Variants in GSE1 observed in about 807,000 individuals in gnomAD.
GSE1 encodes genetic suppressor element 1.
Under a neutral mutation model 112.6 loss-of-function variants are expected in GSE1, and 32 were observed. The observed-to-expected ratio is 0.28, with a 90% CI of 0.21 to 0.38. The LOEUF (loss-of-function observed/expected upper bound fraction) is 0.38. GSE1 is among the 10% of genes least tolerant of loss of function. GSE1 has a pLI of 1.00. For missense variants in GSE1, 2,348 were observed against 1,699.2 expected (o/e 1.38, Z -6.71); for synonymous variants, 1,115 against 735.6 (o/e 1.52, Z -8.35).
rs1905255996 is a variant in GSE1 at position 85,673,025 on chromosome 16, A to T, written c.*486A>T. 6.6e-6 allele frequency: 1 copy of T among 152,320 alleles called. No individual in the cohort carries two copies. Among genetic ancestry groups the T allele is most frequent in the Admixed American group, 6.5e-5 (1 of 15,286 alleles). The allele number at this position is 152,320 out of a possible 1,614,324, so 9.4% of individuals were successfully genotyped here. On this transcript the variant is annotated 3_prime_UTR_variant, in exon 16 of 16. Coordinates refer to ENST00000253458, the MANE Select transcript of GSE1 (RefSeq NM_014615.5). ...TGCTTCAGCTGAAAAGGTTGGGTGC[A>T]TTGTCAGTAAAAAGGGCTTATTTGT...
At chr16:85,662,949 T>G in intron 9 of GSE1, 32 bp from the exon 10 acceptor site, 1 of 1,423,480 alleles carries the variant, frequency 7.0e-7, no homozygotes, top group Admixed American at 1.7e-5. Context: ...GAAGGCTCTT[T>G]GTCTGGCTGA....
intron 1 of GSE1, among the ~76,000 whole-genome samples, chr16:85,231,409 G>GGGAT (rs56082032): frequency 5.4e-5 from 8 of 147,854 alleles, no homozygotes; most frequent in African/African-American, 1.0e-4. Flanking sequence ...GCTGGACAGA[G>GGGAT]GGATGGATGG....
At chr16:85,432,574 G>A (rs74342473) in intron 2 of GSE1, among the ~76,000 whole-genome samples, 10,471 of 152,284 alleles carry the variant, frequency 0.069, 529 homozygotes, top group East Asian at 0.3. Context: ...TATGTTGCAC[G>A]TCGTGGCAGG....
intron 2 of GSE1, among the ~76,000 whole-genome samples, chr16:85,410,074 C>CT (rs1362747417): frequency 8.6e-5 from 2 of 23,184 alleles, no homozygotes; most frequent in Non-Finnish European, 1.5e-4. Flanking sequence ...CAGGGCCCCC[C>CT]GGATAATCCT....
intron 1 of GSE1, among the ~76,000 whole-genome samples, chr16:85,623,982 C>T (rs540342809): frequency 6.6e-6 from 1 of 152,178 alleles, no homozygotes; most frequent in African/African-American, 2.4e-5. Flanking sequence ...TCATAGGAGA[C>T]GTCCTTGGAT....
chr16:85,625,117 G>A (rs577201112), intron 1 of GSE1, among the ~76,000 whole-genome samples: 3 of 152,252 alleles, frequency 2.0e-5, no homozygotes, highest in African/African-American at 7.2e-5. Flanking sequence ...CCCTTGGTCT[G>A]TCGTGCCCCT....
chr16:85,522,066 T>G (rs937055507), intron 2 of GSE1, among the ~76,000 whole-genome samples: 4 of 152,212 alleles, frequency 2.6e-5, no homozygotes, highest in Non-Finnish European at 5.9e-5. Flanking sequence ...AGACGGTCTT[T>G]GGAAGCCAGG....
Position 85,451,756 on chromosome 16 carries a change from CTGG to C in GSE1, c.2464+94121_2464+94123del, listed in dbSNP as rs1373454686. Among the ~76,000 whole-genome samples, 4 of 33,424 alleles carry C rather than the reference CTGG, an allele frequency of 1.2e-4. 1 individual carries two copies. Among genetic ancestry groups the C allele is most frequent in the Non-Finnish European group, 2.8e-4 (4 of 14,104 alleles). 21.9% of individuals were successfully genotyped at this position (33,424 alleles called of 152,430 possible). A position where few individuals can be genotyped will look rare whatever the true frequency, so the allele number is the denominator to read the frequency against. ...TGTGTGCTGGTGGTTGGTGCGTGCG[CTGG>C]TGGTGGTTGGTGCGTGCGCTGGTGG... On this transcript the variant is annotated intron_variant, in intron 2 of 2. Coordinates refer to the GSE1 transcript ENST00000637419.
chr16:85,175,990 T>C (rs1269987788), intron 1 of GSE1, among the ~76,000 whole-genome samples: 1 of 152,172 alleles, frequency 6.6e-6, no homozygotes, highest in African/African-American at 2.4e-5. Flanking sequence ...TTTTGTTTGC[T>C]TCTTTTCTTT....
chr16:85,258,909 G>A (rs965813240), intron 1 of GSE1, among the ~76,000 whole-genome samples: 4 of 152,160 alleles, frequency 2.6e-5, no homozygotes, highest in African/African-American at 9.7e-5. Flanking sequence ...GCCCTGCCGC[G>A]TGGTTGCTAT....
At chr16:85,372,700 C>T (rs937187182) in intron 2 of GSE1, among the ~76,000 whole-genome samples, 1 of 152,032 alleles carries the variant, frequency 6.6e-6, no homozygotes, top group Non-Finnish European at 1.5e-5. Context: ...ATTCCAGATC[C>T]CAGTTCCTCC....
At chr16:85,179,458 A>G (rs1422396361) in intron 1 of GSE1, among the ~76,000 whole-genome samples, 1 of 152,130 alleles carries the variant, frequency 6.6e-6, no homozygotes, top group African/African-American at 2.4e-5. Context: ...TGCCACTGTG[A>G]ACACGCATGG....
chr16:85,221,113 G>C lies in GSE1; in HGVS notation c.2283+49306G>C, dbSNP rs970072254. On this transcript the variant is annotated intron_variant, in intron 1 of 2. Coordinates refer to the GSE1 transcript ENST00000637419. ...AAATCCTGGAGTCGACCAGACCTCC[G>C]AGGTCAAGCGGTGCAGCCCCCGCCC... Among the ~76,000 whole-genome samples the C allele has an allele frequency of 2.0e-5, 3 of 152,102 alleles. No individual in the cohort carries two copies. In the East Asian group the frequency reaches 5.8e-4, roughly 30 times the overall value.
intron 1 of GSE1, among the ~76,000 whole-genome samples, chr16:85,214,252 C>CG (rs763215288): frequency 1.7e-4 from 25 of 150,988 alleles, no homozygotes; most frequent in African/African-American, 2.2e-4. Context: ...GGCCCCCCCA[C>CG]CCAGATTCTT....
intron 1 of GSE1, chr16:85,592,229 C>T (rs906642591): frequency 6.6e-6 from 1 of 151,482 alleles, no homozygotes; most frequent in African/African-American, 2.4e-5. Context: ...GTGGCATGAT[C>T]TTGGCTCACC....
chr16:85,451,969 C>T (rs867523675), intron 2 of GSE1, among the ~76,000 whole-genome samples: 3 of 152,140 alleles, frequency 2.0e-5, no homozygotes, highest in Admixed American at 6.5e-5. Flanking sequence ...CTGCCTCCCC[C>T]CCTCACCGAG....
Position 85,671,129 on chromosome 16 carries a change from C to G in GSE1, c.3519+31C>G, listed in dbSNP as rs1159021134. On this transcript the variant is annotated intron_variant, in intron 15 of 15. Transcript: ENST00000253458. ...TTGGGAAGGGATGGAAACCTTCAAA[C>G]ACGCAACCTTTTGAGTTTGGGTTCA... is the stretch of plus-strand genomic sequence containing the variant. 3.2e-6 allele frequency: 4 copies of G among 1,253,678 alleles called. No individual in the cohort carries two copies. The African/African-American group carries it at 4.4e-5, about 14-fold the overall frequency. 77.7% of individuals were successfully genotyped at this position (1,253,678 alleles called of 1,614,324 possible).
rs1314650071 is a variant in GSE1 at position 85,598,322 on chromosome 16, C to T, written c.37+41959C>T. On this transcript the variant is annotated intron_variant, in intron 1 of 2. Transcript: ENST00000635906. ...CAGCACCCAGCTGCGCAGGGCAGTT[C>T]GGGTGGGCTGCCCACGAGAGCCGGT... Among the ~76,000 whole-genome samples, 6 of 152,034 alleles carry T rather than the reference C, an allele frequency of 3.9e-5. No individual in the cohort carries two copies. In the East Asian group the frequency reaches 5.8e-4, roughly 15 times the overall value.
intron 8 of GSE1, among the ~76,000 whole-genome samples, chr16:85,660,926 G>C (rs547995377): frequency 6.6e-6 from 1 of 152,224 alleles, no homozygotes; most frequent in South Asian, 2.1e-4. Flanking sequence ...CACTGCGCCC[G>C]GCCGAGTCTT....
Sources: gnomAD v4.1 joint callset for allele counts (sites outside exome capture counted in the v4.1 genomes callset) on GRCh38, gnomAD v4.1.1 for gene constraint, MANE v1.5 for transcripts, NCBI Gene and HGNC (gene_info 2026-07-23, HGNC 2026-07-21) for gene names.